Variants in TPRG1 observed in about 807,000 individuals in gnomAD.
TPRG1 encodes the protein tumor protein p63 regulated 1.
TPRG1 carries 29 observed loss-of-function variants against 29.3 expected under a neutral mutation model. The observed-to-expected ratio is 0.99, with a 90% CI of 0.74 to 1.35. The LOEUF (loss-of-function observed/expected upper bound fraction) is 1.35, where lower values mean the gene tolerates loss of function less well. TPRG1 is among the 40% of genes most tolerant of loss of function. The pLI, the probability that TPRG1 is intolerant of heterozygous loss-of-function variation, is 0.00. For missense variants in TPRG1, 327 were observed against 335.0 expected, an observed-to-expected ratio of 0.98 and a Z score of 0.19; for synonymous variants, 130 against 116.8, an observed-to-expected ratio of 1.11 and a Z score of -0.73.
chr3:188,998,486 G>C (rs968827187), intron 1 of TPRG1, among the ~76,000 whole-genome samples: 17 of 152,236 alleles, frequency 1.1e-4, no homozygotes, highest in African/African-American at 3.9e-4. Flanking sequence ...CTAGAGTTTT[G>C]TGGGTCATGG....
At chr3:189,285,987 C>G (rs1396604404) in intron 4 of TPRG1, among the ~76,000 whole-genome samples, 7 of 151,766 alleles carry the variant, frequency 4.6e-5, no homozygotes, top group Admixed American at 2.0e-4. Context: ...GGTCCCTGCT[C>G]TCAAAGATGG....
At chr3:189,299,312 T>C (rs1461765293) in intron 4 of TPRG1, among the ~76,000 whole-genome samples, 1 of 152,154 alleles carries the variant, frequency 6.6e-6, no homozygotes, top group Non-Finnish European at 1.5e-5. Flanking sequence ...TGGCAACCTC[T>C]TGGCACGGAA....
intron 4 of TPRG1, among the ~76,000 whole-genome samples, chr3:189,060,077 A>G (rs1264930750): frequency 6.6e-6 from 1 of 152,148 alleles, no homozygotes; most frequent in Admixed American, 6.5e-5. Context: ...TACTAAAAAT[A>G]CAAAATTAGC....
upstream of TPRG1, among the ~76,000 whole-genome samples, chr3:189,168,821 C>G (rs571485477): frequency 2.0e-5 from 3 of 152,096 alleles, no homozygotes; most frequent in Non-Finnish European, 4.4e-5. Flanking sequence ...CTATTTACCC[C>G]CAGTGATGCA....
In TPRG1 at chr3:189,186,535, C is replaced by G. The variant is rs1444685333; in HGVS notation, c.-10+14404C>G. 2.0e-5 allele frequency among the ~76,000 whole-genome samples: 3 copies of G among 152,096 alleles called. No homozygotes were observed. In the South Asian group the frequency reaches 6.2e-4, roughly 32 times the overall value. ...CAAACATTTAACCATGAACTAGCAC[C>G]TTTTGACTTACAGTAGGATAAAAAT... On this transcript the variant is annotated intron_variant, in intron 1 of 5. Coordinates refer to ENST00000345063, the MANE Select transcript of TPRG1 (RefSeq NM_198485.4).
chr3:189,285,902 T>C (rs1717977498), intron 4 of TPRG1, among the ~76,000 whole-genome samples: 1 of 152,148 alleles, frequency 6.6e-6, no homozygotes. Context: ...CTGAGTACAA[T>C]ATTTCACTTA....
In TPRG1 at chr3:189,114,173, C is replaced by T. The variant is rs538183143; in HGVS notation, c.-743-12884C>T. 3.3e-5 allele frequency among the ~76,000 whole-genome samples: 5 copies of T among 152,234 alleles called. No homozygotes were observed. The South Asian group carries it at 1.0e-3, about 32-fold the overall frequency. On this transcript the variant is annotated intron_variant, in intron 1 of 6. Transcript: ENST00000412373. Reference sequence around the variant, plus strand: ...TTGAGGATAACTAGTGAATGCAACTCCAGTGTCTCCAGCTCTAGAGCAATC... The same window carrying T: ...TTGAGGATAACTAGTGAATGCAACTTCAGTGTCTCCAGCTCTAGAGCAATC...
At chr3:189,051,689 A>G (rs1715332624) in intron 4 of TPRG1, among the ~76,000 whole-genome samples, 1 of 152,240 alleles carries the variant, frequency 6.6e-6, no homozygotes, top group African/African-American at 2.4e-5. Flanking sequence ...ACCTGATTTC[A>G]AACTATACTA....
intron 3 of TPRG1, among the ~76,000 whole-genome samples, chr3:189,146,558 T>C (rs1725289684): frequency 1.3e-5 from 2 of 152,196 alleles, no homozygotes; most frequent in African/African-American, 4.8e-5. Context: ...TCCCACTCTG[T>C]CTGTTGTATC....
chr3:189,206,808 C>CGTGTGTGTGTGTGTGTGGGTGT (rs1734450178), intron 1 of TPRG1, among the ~76,000 whole-genome samples: 1 of 147,626 alleles, frequency 6.8e-6, no homozygotes, highest in African/African-American at 2.6e-5. Flanking sequence ...GCTGAACAAC[C>CGTGTGTGTGTGTGTGTGGGTGT]GTGTGTGTGT....
At chr3:189,026,140 T>C (rs891641143) in intron 4 of TPRG1, among the ~76,000 whole-genome samples, 6 of 152,090 alleles carry the variant, frequency 3.9e-5, no homozygotes, top group African/African-American at 1.4e-4. Context: ...TTCTCACTAT[T>C]TTGGAGACTG....
At chr3:188,999,617 T>C (rs114972040) in intron 1 of TPRG1, among the ~76,000 whole-genome samples, 1,703 of 152,262 alleles carry the variant, frequency 0.011, 18 homozygotes, top group Non-Finnish European at 0.019. Flanking sequence ...CTTCATAGGA[T>C]TTTGTGAAAA....
intron 4 of TPRG1, among the ~76,000 whole-genome samples, chr3:189,276,880 T>C (rs1716241452): frequency 6.6e-6 from 1 of 152,078 alleles, no homozygotes; most frequent in African/African-American, 2.4e-5. Flanking sequence ...CTTCCTCCTT[T>C]CTTTTTTTTT....
intron 5 of TPRG1, among the ~76,000 whole-genome samples, chr3:189,164,647 A>G (rs1307654411): frequency 6.6e-6 from 1 of 151,620 alleles, no homozygotes; most frequent in Non-Finnish European, 1.5e-5. Context: ...TAAAAAAAAA[A>G]GGTATCTGAA....
chr3:189,282,469 T>G (rs955016542), intron 4 of TPRG1, among the ~76,000 whole-genome samples: 3 of 152,200 alleles, frequency 2.0e-5, no homozygotes, highest in Non-Finnish European at 2.9e-5. Flanking sequence ...ATTTTGTGCC[T>G]CATTTTTTGT....
chr3:189,177,508 G>C (rs926462501), intron 1 of TPRG1, among the ~76,000 whole-genome samples: 1 of 150,932 alleles, frequency 6.6e-6, no homozygotes, highest in African/African-American at 2.4e-5. Flanking sequence ...GTTTATATAT[G>C]CATATACTTA....
chr3:189,153,353 AC>A (rs1486003817), intron 5 of TPRG1, among the ~76,000 whole-genome samples: 6 of 152,250 alleles, frequency 3.9e-5, no homozygotes, highest in African/African-American at 1.4e-4. Flanking sequence ...CTCTTAAAAA[AC>A]ATCACCAAAG....
At chr3:189,166,470 G>C (rs1189748252) in intron 5 of TPRG1, among the ~76,000 whole-genome samples, 4 of 152,184 alleles carry the variant, frequency 2.6e-5, no homozygotes, top group Non-Finnish European at 5.9e-5. Flanking sequence ...TTAATTTGCT[G>C]ACAAGGAAGC....
At chr3:189,070,581 TC>T (rs1716753172) in intron 4 of TPRG1, among the ~76,000 whole-genome samples, 1 of 152,192 alleles carries the variant, frequency 6.6e-6, no homozygotes. Context: ...ATGTATTATT[TC>T]TCACAATTGC....
Sources: gnomAD v4.1 joint callset for allele counts (sites outside exome capture counted in the v4.1 genomes callset) on GRCh38, gnomAD v4.1.1 for gene constraint, MANE v1.5 for transcripts, NCBI Gene and HGNC (gene_info 2026-07-23, HGNC 2026-07-21) for gene names.